The following TJP2 variants were observed in gnomAD, a reference collection of about 807,000 sequenced individuals.
TJP2 encodes Friedreich ataxia region gene X104 (tight junction protein ZO-2).
Under a neutral mutation model 133.1 loss-of-function variants are expected in TJP2, and 91 were observed. The ratio of observed to expected loss-of-function variants is 0.68; its 90% confidence interval spans 0.58 to 0.81. The LOEUF (loss-of-function observed/expected upper bound fraction) is 0.81. Among genes scored for constraint, TJP2 ranks in the 40% least tolerant of loss-of-function variants. The pLI is 0.00. For missense variants in TJP2, 1,541 were observed against 1,565.6 expected, an observed-to-expected ratio of 0.98 and a Z score of 0.26; for synonymous variants, 592 against 583.4, an observed-to-expected ratio of 1.01 and a Z score of -0.21.
chr9:69,170,547 C>T (rs961336511), upstream of TJP2, among the ~76,000 whole-genome samples: 2 of 152,206 alleles, frequency 1.3e-5, no homozygotes, highest in African/African-American at 4.8e-5. Flanking sequence ...AGTGCTGCCT[C>T]ATACCTAGTC....
chr9:69,122,640 G>GAATT (rs1263371259), intron 1 of TJP2, among the ~76,000 whole-genome samples: 1 of 152,306 alleles, frequency 6.6e-6, no homozygotes, highest in East Asian at 1.9e-4. Context: ...AAAGGCCACT[G>GAATT]AATTCCAGGC....
At chr9:69,174,578 C>G (rs920712043) in intron 1 of TJP2, 146 bp downstream of exon 1, 2 of 1,029,740 alleles carry the variant, frequency 1.9e-6, no homozygotes, top group Non-Finnish European at 1.5e-6. Flanking sequence ...ACGTGGGACG[C>G]AGGGGAGGGG....
intron 5 of TJP2, among the ~76,000 whole-genome samples, chr9:69,223,203 T>C (rs1829043577): frequency 6.6e-6 from 1 of 152,240 alleles, no homozygotes; most frequent in African/African-American, 2.4e-5. Context: ...CTAATCATTG[T>C]TGAGTTTCTG....
chr9:69,225,237 A>G, intron 5 of TJP2, 67 bp from the exon 6 acceptor site: 1 of 1,046,438 alleles, frequency 9.6e-7, no homozygotes. Flanking sequence ...AAATAGTCCT[A>G]TAAACCAGAC....
rs74868392 is a variant in TJP2, at chr9:69,143,277, T to C, written c.-130-8374T>C. On this transcript the variant is annotated intron_variant, in intron 1 of 5. Transcript: ENST00000423935. ...TTTAAAACATCCCATTTGCAAAATA[T>C]CATGTCACTTTTCACTGCAGGAGAA... Among the ~76,000 whole-genome samples, 543 of 152,314 alleles carry C rather than the reference T, an allele frequency of 3.6e-3. 2 individuals carry two copies. The highest frequency in any genetic ancestry group is 6.2e-3 in the Non-Finnish European group (424 of 68,014).
At chr9:69,156,713 A>G (rs1199616570) in intron 2 of TJP2, among the ~76,000 whole-genome samples, 3 of 151,584 alleles carry the variant, frequency 2.0e-5, no homozygotes, top group Non-Finnish European at 4.4e-5. Flanking sequence ...TTGTGTTTTT[A>G]GTAGAGACGG....
At chr9:69,229,098 T>C in intron 9 of TJP2, 86 bp from the exon 10 acceptor site, 1 of 1,296,708 alleles carries the variant, frequency 7.7e-7, no homozygotes. Flanking sequence ...TAGACTTACA[T>C]TTTTTGTGGA....
intron 1 of TJP2, among the ~76,000 whole-genome samples, chr9:69,181,247 T>C (rs1306531583): frequency 1.6e-4 from 22 of 135,228 alleles, no homozygotes; most frequent in Non-Finnish European, 3.5e-4. Context: ...TTTCTTTTTT[T>C]TTTTTTTTTT....
chr9:69,239,030 A>T (rs1205119713), intron 16 of TJP2, among the ~76,000 whole-genome samples: 4 of 151,762 alleles, frequency 2.6e-5, no homozygotes, highest in South Asian at 2.1e-4. Flanking sequence ...TCTACTAAAA[A>T]TATAAAAAAT....
At chr9:69,253,872 T>C (rs1563966113) in intron 22 of TJP2, 4 of 370,536 alleles carry the variant, frequency 1.1e-5, no homozygotes, top group Non-Finnish European at 5.1e-6. Context: ...CAAAGAGTTC[T>C]TGGTTATGAT....
Position 69,226,082 on chromosome 9 carries a change from T to A in TJP2, c.1117T>A (p.Ser373Thr). ...GGATGCTCGAAAATTGATAGAAAAG[T>A]CAAGAGGAAAACTACAGCTAGTGGT... ...LTDARKLIEK[S>T]RGKLQLVVLR... Residue 373 changes from serine to threonine, a missense_variant, in exon 7 of 23, where the codon TCA (serine) becomes ACA (threonine). Ser to Thr is a moderately conservative substitution (Grantham distance 58). Transcript: ENST00000377245. The A allele has an allele frequency of 6.2e-7, 1 of 1,614,060 alleles. No individual in the cohort carries two copies. Among genetic ancestry groups the A allele is most frequent in the Non-Finnish European group, 8.5e-7 (1 of 1,180,012 alleles).
chr9:69,151,723 G>A, exon 2 of TJP2: 1 of 1,232,058 alleles, frequency 8.1e-7, no homozygotes, highest in Non-Finnish European at 1.0e-6. Flanking sequence ...CCAGGAGCAA[G>A]TACTCCAGGA....
Position 69,151,727 on chromosome 9 carries a change from T to C in TJP2, c.-54T>C, listed in dbSNP as rs1015765127. The C allele has an allele frequency of 4.1e-6, 5 of 1,232,066 alleles. No individual in the cohort carries two copies. The African/African-American group carries it at 4.7e-5, about 11-fold the overall frequency. 76.3% of individuals were successfully genotyped at this position (1,232,066 alleles called of 1,614,324 possible). On this transcript the variant is annotated 5_prime_UTR_variant, in exon 2 of 6. Transcript: ENST00000423935. ...CGGCTGCAGCTCCAGGAGCAAGTAC[T>C]CCAGGAAGCACAGAGCTGTACCAGT... is the stretch of plus-strand genomic sequence containing the variant.
At chr9:69,165,911 C>T (rs1432363554) in intron 2 of TJP2, among the ~76,000 whole-genome samples, 2 of 152,108 alleles carry the variant, frequency 1.3e-5, no homozygotes, top group Non-Finnish European at 2.9e-5. Flanking sequence ...GCCTCAGCCC[C>T]AGGCGGAGCA....
rs945799133 is a variant in TJP2 at position 69,178,020 on chromosome 9, C to T, written c.60+3588C>T. On this transcript the variant is annotated intron_variant, in intron 1 of 22. Coordinates refer to ENST00000377245, the MANE Select transcript of TJP2 (RefSeq NM_004817.4). ...GGGCAATGGCTACCCATAACAGTGA[C>T]GGCTCCATTCTGTTTTTTAAAGGGA... 9.9e-5 allele frequency among the ~76,000 whole-genome samples: 15 copies of T among 152,062 alleles called. 1 individual carries two copies. Among genetic ancestry groups the T allele is most frequent in the South Asian group, 2.1e-4 (1 of 4,818 alleles).
chr9:69,186,118 G>C (rs1388474955), intron 1 of TJP2, among the ~76,000 whole-genome samples: 1 of 152,052 alleles, frequency 6.6e-6, no homozygotes, highest in Non-Finnish European at 1.5e-5. Flanking sequence ...GTTGGCAACA[G>C]CCTGTCTGTA....
intron 6 of TJP2, 56 bp downstream of exon 6, chr9:69,225,463 T>C: frequency 8.5e-7 from 1 of 1,174,220 alleles, no homozygotes; most frequent in Non-Finnish European, 1.3e-6. Flanking sequence ...ATCGCCTGCA[T>C]GTCCACATTC....
Position 69,226,342 on chromosome 9 carries a change from G to A in TJP2, c.1210+167G>A, listed in dbSNP as rs186811815. On this transcript the variant is annotated intron_variant, in intron 7 of 22. Coordinates refer to ENST00000377245, the MANE Select transcript of TJP2 (RefSeq NM_004817.4). ...GGTTGGTTGTTATTTGCTTATTAAAGTGCCTATTGAAATTAGGTTTCCAAT... is the reference window on the plus strand; with the variant it reads ...GGTTGGTTGTTATTTGCTTATTAAAATGCCTATTGAAATTAGGTTTCCAAT... Among the ~76,000 whole-genome samples, 6 of 152,308 alleles carry A rather than the reference G, an allele frequency of 3.9e-5. No individual in the cohort carries two copies. The East Asian group carries it at 5.8e-4, about 15-fold the overall frequency.
intron 1 of TJP2, among the ~76,000 whole-genome samples, chr9:69,135,213 A>G (rs1331442822): frequency 2.0e-5 from 3 of 151,698 alleles, no homozygotes; most frequent in African/African-American, 7.3e-5. Flanking sequence ...GTAAATAATC[A>G]TGGCTGGCAC....
Sources: allele counts gnomAD v4.1 joint callset (sites outside exome capture counted in the v4.1 genomes callset), GRCh38; gene constraint gnomAD v4.1.1; transcripts MANE v1.5; gene names NCBI Gene and HGNC (gene_info 2026-07-23, HGNC 2026-07-21).